The following CPXM2 variants were observed in gnomAD, a reference collection of about 807,000 sequenced individuals.
The protein encoded by CPXM2 is inactive carboxypeptidase-like protein X2.
Under a neutral mutation model 86.1 loss-of-function variants are expected in CPXM2, and 66 were observed. The observed-to-expected ratio is 0.77, with a 90% confidence interval of 0.63 to 0.94. The LOEUF (loss-of-function observed/expected upper bound fraction) is 0.94, where lower values mean the gene tolerates loss of function less well. Ranked by LOEUF, CPXM2 falls within the 40% of genes least tolerant of loss-of-function variation. The pLI is 0.00. For missense variants in CPXM2, 948 were observed against 1,026.3 expected (o/e 0.92, Z 1.04); for synonymous variants, 388 against 400.2 (o/e 0.97, Z 0.36).
chr10:123,798,991 A>T (rs55721423), intron 5 of CPXM2, 124 bp downstream of exon 5: 82,426 of 1,029,460 alleles, frequency 0.08, 4,330 homozygotes, highest in African/African-American at 0.23. Context: ...ATCAGACTGT[A>T]GTGGTAGGTT....
intron 9 of CPXM2, 56 bp from the exon 10 acceptor site, chr10:123,767,208 C>G: frequency 6.6e-7 from 1 of 1,510,752 alleles, no homozygotes; most frequent in Non-Finnish European, 9.1e-7. Flanking sequence ...CGCGGACCCT[C>G]TACCATACAA....
At chr10:123,889,800 T>C (rs1380958838) in intron 1 of CPXM2, among the ~76,000 whole-genome samples, 1 of 152,124 alleles carries the variant, frequency 6.6e-6, no homozygotes, top group Admixed American at 6.5e-5. Flanking sequence ...ACTCCCAGTC[T>C]GGGGCTCTCT....
chr10:123,839,269 C>T (rs1466838395), intron 4 of CPXM2, among the ~76,000 whole-genome samples: 3 of 152,286 alleles, frequency 2.0e-5, no homozygotes, highest in African/African-American at 7.2e-5. Flanking sequence ...GGCCTAAAGC[C>T]CTGAGCCATC....
intron 4 of CPXM2, among the ~76,000 whole-genome samples, chr10:123,803,201 A>C (rs953290307): frequency 1.5e-5 from 2 of 136,440 alleles, no homozygotes; most frequent in Admixed American, 1.6e-4. Flanking sequence ...AGGCTCAAGC[A>C]ATTCACCCAC....
At chr10:123,940,932 G>A (rs1338571575), upstream of CPXM2, among the ~76,000 whole-genome samples, 1 of 152,194 alleles carries the variant, frequency 6.6e-6, no homozygotes, top group African/African-American at 2.4e-5. Context: ...AGCACTTTGG[G>A]AGGCTGAGGT....
intron 2 of CPXM2, 66 bp downstream of exon 2, chr10:123,880,145 T>TTGGGGGGCCCCCCCCCC: frequency 4.9e-6 from 2 of 407,578 alleles, no homozygotes; most frequent in Admixed American, 3.3e-5. Flanking sequence ...CAGGGGCCTG[T>TTGGGGGGCCCCCCCCCC]ACCCACCCAC....
chr10:123,875,094 A>T (rs1293283979), intron 2 of CPXM2, among the ~76,000 whole-genome samples: 1 of 152,250 alleles, frequency 6.6e-6, no homozygotes, highest in African/African-American at 2.4e-5. Flanking sequence ...TGTAGGCTAC[A>T]GCCAGCCCAG....
In CPXM2 at chr10:123,831,665, CTTG is replaced by C. The variant is rs370588046; in HGVS notation, c.653+10681_653+10683del. The stretch of plus-strand genomic sequence containing the variant: ...TCCAATGTCTGCAGGCCACCCCTGC[CTTG>C]TTGTAGGTCTCCTCCTCCATCTTCA... On this transcript the variant is annotated intron_variant, in intron 4 of 13. Coordinates refer to ENST00000241305, the MANE Select transcript of CPXM2 (RefSeq NM_198148.3). 3.5e-3 allele frequency among the ~76,000 whole-genome samples: 527 copies of C among 152,130 alleles called. 1 individual carries two copies. The highest frequency in any genetic ancestry group is 0.012 in the African/African-American group (504 of 41,492).
intron 1 of CPXM2, among the ~76,000 whole-genome samples, chr10:123,884,874 G>C (rs564384291): frequency 6.6e-6 from 1 of 152,308 alleles, no homozygotes; most frequent in South Asian, 2.1e-4. Flanking sequence ...GGCATGGCTG[G>C]GGCAGCAGTG....
At position 123,842,361 on chromosome 10, in the gene CPXM2, T is replaced by C. The variant is rs761792844; in HGVS notation, c.641A>G (p.Asn214Ser). The change falls in exon 4 of 14, where the codon AAC becomes AGC. Residue 214 changes from asparagine to serine, a missense_variant. Physicochemically the swap from Asn to Ser is conservative, Grantham distance 46. Coordinates refer to ENST00000241305, the MANE Select transcript of CPXM2 (RefSeq NM_198148.3). ...CAGGTACACTCACAGCCAGAGGGAG[T>C]TCCTCCCTTGAGTGATGACACCAGT... ...RFTGVITQGR[N>S]SLWLSDWVTS... is the part of the protein sequence containing the mutation. 5.0e-6 allele frequency: 8 copies of C among 1,614,130 alleles called. No individual in the cohort carries two copies. Among genetic ancestry groups the C allele is most frequent in the Non-Finnish European group, 6.8e-6 (8 of 1,180,026 alleles).
At chr10:123,850,639 T>C (rs1156811660) in intron 3 of CPXM2, among the ~76,000 whole-genome samples, 1 of 152,196 alleles carries the variant, frequency 6.6e-6, no homozygotes, top group African/African-American at 2.4e-5. Context: ...GGCCCCACAA[T>C]GCAAGGGTAT....
In CPXM2 at chr10:123,768,648, C is replaced by CCAG. The variant is rs757837701; in HGVS notation, c.1174_1176dup (p.Leu392dup). 16 of 1,612,944 alleles carry CCAG rather than the reference C, an allele frequency of 9.9e-6. No individual in the cohort carries two copies. The highest frequency in any genetic ancestry group is 3.3e-5 in the South Asian group (3 of 91,062). On this transcript the variant is annotated inframe_insertion, in exon 9 of 14. Transcript: ENST00000241305. ...AAGTACTCCTGACACACGAACTGCA[C>CCAG]CAGCAGCAGCAGCAGCTCCCGGCCC...
At chr10:123,767,286 T>C in intron 9 of CPXM2, 134 bp from the exon 10 acceptor site, 1 of 744,664 alleles carries the variant, frequency 1.3e-6, no homozygotes, top group Non-Finnish European at 2.2e-6. Context: ...GACCCAAAGA[T>C]GGCATCTAAA....
At chr10:123,875,230 T>C (rs990036458) in intron 2 of CPXM2, among the ~76,000 whole-genome samples, 1 of 152,220 alleles carries the variant, frequency 6.6e-6, no homozygotes, top group Non-Finnish European at 1.5e-5. Flanking sequence ...TTTTAGAGAC[T>C]AAAGAATAAC....
intron 3 of CPXM2, among the ~76,000 whole-genome samples, chr10:123,848,484 A>C (rs1293362142): frequency 6.6e-6 from 1 of 152,222 alleles, no homozygotes; most frequent in African/African-American, 2.4e-5. Flanking sequence ...TTAAAATTAA[A>C]AATATTTAAA....
At chr10:123,854,193 G>C (rs1848657739) in intron 3 of CPXM2, among the ~76,000 whole-genome samples, 1 of 150,540 alleles carries the variant, frequency 6.6e-6, no homozygotes, top group South Asian at 2.1e-4. Flanking sequence ...CAGGCTCCGG[G>C]GGTGACTACT....
chr10:123,939,391 CTGG>C (rs1429576930), intron 2 of CPXM2: 4 of 152,178 alleles, frequency 2.6e-5, no homozygotes, highest in African/African-American at 9.7e-5. Context: ...CTCGGTCATG[CTGG>C]TGGCTCTAAG....
At chr10:123,832,290 T>G (rs910533829) in intron 4 of CPXM2, among the ~76,000 whole-genome samples, 2 of 152,000 alleles carry the variant, frequency 1.3e-5, no homozygotes, top group Admixed American at 1.3e-4. Context: ...CAGCCCCAAC[T>G]CAGAAGCACT....
At chr10:123,821,327 C>T (rs1847919268) in intron 4 of CPXM2, among the ~76,000 whole-genome samples, 1 of 152,220 alleles carries the variant, frequency 6.6e-6, no homozygotes, top group South Asian at 2.1e-4. Flanking sequence ...ATTAGGGTTT[C>T]CTGGTACTTC....
Sources: gnomAD v4.1 joint callset for allele counts (sites outside exome capture counted in the v4.1 genomes callset) on GRCh38, gnomAD v4.1.1 for gene constraint, MANE v1.5 for transcripts, NCBI Gene and HGNC (gene_info 2026-07-23, HGNC 2026-07-21) for gene names.